ADGRL2: variants seen among roughly 807,000 people sequenced by gnomAD.
ADGRL2 encodes adhesion G protein-coupled receptor L2, also known as calcium-independent alpha-latrotoxin receptor 2.
A neutral mutation model predicts 157.4 loss-of-function variants in ADGRL2; 44 were observed. The observed-to-expected ratio is 0.28, with a 90% confidence interval of 0.22 to 0.36. The LOEUF (loss-of-function observed/expected upper bound fraction) is 0.36, where lower values mean the gene tolerates loss of function less well. ADGRL2 is among the 10% of genes least tolerant of loss of function. The pLI, the probability that ADGRL2 is intolerant of heterozygous loss-of-function variation, is 1.00. For synonymous variants in ADGRL2, 585 were observed against 624.7 expected, an observed-to-expected ratio of 0.94 and a Z score of 0.95; for missense variants, 1,510 against 1,768.9, an observed-to-expected ratio of 0.85 and a Z score of 2.63.
At chr1:81,856,295 T>C (rs557292422) in intron 2 of ADGRL2, among the ~76,000 whole-genome samples, 1 of 152,294 alleles carries the variant, frequency 6.6e-6, no homozygotes, top group South Asian at 2.1e-4. Flanking sequence ...TCACCCAGTC[T>C]TGTGCCACCC....
intron 1 of ADGRL2, among the ~76,000 whole-genome samples, chr1:81,406,499 G>GT (rs914111247): frequency 1.3e-5 from 2 of 152,102 alleles, no homozygotes; most frequent in African/African-American, 4.8e-5. Flanking sequence ...TCTCAACCCA[G>GT]TTTTTTGCCA....
In ADGRL2 at chr1:81,380,268, G is replaced by T. The variant is rs113076393; in HGVS notation, c.-301-64768G>T. ...TGTGAATTTTCAGTTCATGTCCTGT[G>T]CCTATCACTTTTAATGTGTGTGGGC... On this transcript the variant is annotated intron_variant, in intron 1 of 24. Transcript: ENST00000370721. Among the ~76,000 whole-genome samples the T allele has an allele frequency of 5.4e-3, 815 of 152,212 alleles. 4 individuals carry two copies. Among genetic ancestry groups the T allele is most frequent in the Non-Finnish European group, 7.4e-3 (501 of 68,024 alleles).
At chr1:81,900,535 G>GA (rs5775647) in intron 2 of ADGRL2, among the ~76,000 whole-genome samples, 114 of 150,870 alleles carry the variant, frequency 7.6e-4, no homozygotes, top group Non-Finnish European at 1.4e-3. Context: ...ACACTGTAGG[G>GA]AAAAAAAAAA....
At chr1:81,526,838 T>C (rs901071280) in intron 2 of ADGRL2, among the ~76,000 whole-genome samples, 11 of 152,224 alleles carry the variant, frequency 7.2e-5, no homozygotes, top group Non-Finnish European at 1.2e-4. Context: ...TGTTTGTTAT[T>C]ACAATTCTAG....
At chr1:81,841,202 T>A in intron 2 of ADGRL2, among the ~76,000 whole-genome samples, 1 of 152,168 alleles carries the variant, frequency 6.6e-6, no homozygotes, top group East Asian at 1.9e-4. Context: ...TTATCCTTAT[T>A]TCAAAGAAAA....
At chr1:81,322,087 C>CATATATATATATATATATATAT (rs148181887) in intron 1 of ADGRL2, among the ~76,000 whole-genome samples, 8 of 112,328 alleles carry the variant, frequency 7.1e-5, no homozygotes, top group Non-Finnish European at 1.1e-4. Flanking sequence ...AGGACTAATT[C>CATATATATATATATATATATAT]ATATATATAT....
At chr1:81,851,768 G>GTATGTA (rs1341843377) in intron 2 of ADGRL2, among the ~76,000 whole-genome samples, 2 of 150,538 alleles carry the variant, frequency 1.3e-5, no homozygotes, top group African/African-American at 4.9e-5. Flanking sequence ...GTGTGTATGT[G>GTATGTA]TATGTATTCT....
intron 1 of ADGRL2, among the ~76,000 whole-genome samples, chr1:81,353,773 G>A (rs1663083621): frequency 6.6e-6 from 1 of 152,182 alleles, no homozygotes; most frequent in Non-Finnish European, 1.5e-5. Flanking sequence ...GGATGATAGT[G>A]TGAACGTGTC....
intron 1 of ADGRL2, among the ~76,000 whole-genome samples, chr1:81,408,461 A>T (rs1301269306): frequency 2.6e-5 from 4 of 152,098 alleles, no homozygotes; most frequent in Admixed American, 6.6e-5. Context: ...ACTTGTGTGT[A>T]TATGCATATA....
chr1:81,543,381 C>T (rs1039227108), intron 2 of ADGRL2, among the ~76,000 whole-genome samples: 1 of 152,128 alleles, frequency 6.6e-6, no homozygotes, highest in Non-Finnish European at 1.5e-5. Context: ...AGAAGCAGGC[C>T]CTTGCCAGAC....
At chr1:81,632,886 G>A (rs1434845266) in intron 3 of ADGRL2, among the ~76,000 whole-genome samples, 3 of 152,212 alleles carry the variant, frequency 2.0e-5, no homozygotes, top group African/African-American at 2.4e-5. Flanking sequence ...TTCTAAGTGG[G>A]ATGGAAGTCA....
chr1:81,961,017 T>C (rs1401222549), intron 11 of ADGRL2, among the ~76,000 whole-genome samples: 1 of 152,194 alleles, frequency 6.6e-6, no homozygotes, highest in East Asian at 1.9e-4. Flanking sequence ...AAGGTGCAAG[T>C]CTCCTGGCAG....
intron 2 of ADGRL2, among the ~76,000 whole-genome samples, chr1:81,889,758 CAG>C (rs1324587765): frequency 6.6e-6 from 1 of 152,168 alleles, no homozygotes; most frequent in East Asian, 1.9e-4. Context: ...TGTCTGGCTT[CAG>C]AGTTTCAAAG....
chr1:81,926,879 C>A (rs2095119577), intron 3 of ADGRL2, among the ~76,000 whole-genome samples: 1 of 151,854 alleles, frequency 6.6e-6, no homozygotes, highest in Non-Finnish European at 1.5e-5. Context: ...TGAGTCAAGC[C>A]TAATTTGCAT....
intron 1 of ADGRL2, among the ~76,000 whole-genome samples, chr1:81,367,491 T>C (rs187964085): frequency 1.1e-4 from 17 of 152,280 alleles, no homozygotes; most frequent in Non-Finnish European, 1.9e-4. Flanking sequence ...TGTTCCTGGG[T>C]TAGTTTGCCA....
At chr1:81,722,975 G>A in intron 1 of ADGRL2, 1 of 775,160 alleles carries the variant, frequency 1.3e-6, no homozygotes. Flanking sequence ...CTTCCAGGAT[G>A]TGGCTCAGAA....
At chr1:81,481,527 A>T (rs558284549) in intron 2 of ADGRL2, among the ~76,000 whole-genome samples, 6 of 152,306 alleles carry the variant, frequency 3.9e-5, no homozygotes, top group African/African-American at 1.4e-4. Flanking sequence ...GACCAGCTTC[A>T]GCTGTGAGCC....
At chr1:81,677,371 T>C (rs941716339) in intron 3 of ADGRL2, among the ~76,000 whole-genome samples, 2 of 152,220 alleles carry the variant, frequency 1.3e-5, no homozygotes, top group Non-Finnish European at 2.9e-5. Flanking sequence ...CTGTCTTAAC[T>C]TTCCTGAGCT....
chr1:81,808,808 T>G (rs1306449222), intron 1 of ADGRL2, among the ~76,000 whole-genome samples: 1 of 152,060 alleles, frequency 6.6e-6, no homozygotes, highest in Non-Finnish European at 1.5e-5. Flanking sequence ...GCTGGGCACC[T>G]GTTTTATTAC....
Sources: gnomAD v4.1 joint callset for allele counts (sites outside exome capture counted in the v4.1 genomes callset) on GRCh38, gnomAD v4.1.1 for gene constraint, MANE v1.5 for transcripts, NCBI Gene and HGNC (gene_info 2026-07-23, HGNC 2026-07-21) for gene names.